Variants in TRPS1 observed in about 807,000 individuals in gnomAD.
TRPS1 encodes transcriptional repressor GATA binding 1.
In TRPS1, 6 loss-of-function variants were observed where a neutral mutation model predicts 101.2. The observed-to-expected ratio is 0.06, with a 90% CI of 0.03 to 0.12. The LOEUF (loss-of-function observed/expected upper bound fraction) is 0.12, where lower values mean the gene tolerates loss of function less well. Ranked by LOEUF, TRPS1 falls within the 10% of genes least tolerant of loss-of-function variation. TRPS1 has a pLI of 1.00. For synonymous variants in TRPS1, 578 were observed against 589.8 expected, an observed-to-expected ratio of 0.98 and a Z score of 0.29; for missense variants, 1,363 against 1,567.0, an observed-to-expected ratio of 0.87 and a Z score of 2.20.
chr8:115,595,261 T>C (rs2130466335), intron 4 of TRPS1, among the ~76,000 whole-genome samples: 1 of 152,054 alleles, frequency 6.6e-6, no homozygotes, highest in Middle Eastern at 3.4e-3. Flanking sequence ...GCTATAAATG[T>C]CTACAATGAG....
chr8:115,430,736 C>T (rs1016368431), intron 5 of TRPS1, among the ~76,000 whole-genome samples: 1 of 152,004 alleles, frequency 6.6e-6, no homozygotes, highest in African/African-American at 2.4e-5. Flanking sequence ...TATATACATA[C>T]ATACACTCAC....
At position 115,604,149 on chromosome 8, in the gene TRPS1, T is replaced by C. The variant is rs377116781; in HGVS notation, c.1820A>G (p.His607Arg). Residue 607 changes from histidine (H) to arginine (R), a missense_variant, in exon 4 of 7, where the codon CAC becomes CGC. His to Arg is a conservative substitution (Grantham distance 29). Around this residue, in one of 5 missense-constraint regions of TRPS1, gnomAD observed 1,020 missense variants for 1,073.0 expected, o/e 0.95. Coordinates refer to ENST00000395715, the MANE Select transcript of TRPS1 (RefSeq NM_014112.5). This position sits in a 1 kb window ranked among gnomAD's most constrained non-coding sequence, Gnocchi z 4.1. The part of the protein sequence containing the change: ...PFACRKSNCS[H>R]CALLLLHLSP... ...CAAGTGCAGAAGCAAGAGTGCACAGTGGGAACAATTACTTTTTCTACAAGC... is the reference window on the plus strand; with the variant it reads ...CAAGTGCAGAAGCAAGAGTGCACAGCGGGAACAATTACTTTTTCTACAAGC... The C allele has an allele frequency of 2.5e-6, 4 of 1,614,096 alleles. No individual in the cohort carries two copies. The highest frequency in any genetic ancestry group is 3.4e-6 in the Non-Finnish European group (4 of 1,180,000).
chr8:115,470,654 T>C (rs925714487), intron 5 of TRPS1, among the ~76,000 whole-genome samples: 1 of 152,142 alleles, frequency 6.6e-6, no homozygotes, highest in Non-Finnish European at 1.5e-5. Context: ...AATCTTTCTA[T>C]AAAATATACC....
intron 5 of TRPS1, among the ~76,000 whole-genome samples, chr8:115,468,513 C>G (rs147523001): frequency 2.7e-3 from 404 of 152,268 alleles, no homozygotes; most frequent in African/African-American, 9.4e-3. Context: ...CACATATTAA[C>G]TCTGTGGTTA....
chr8:115,517,359 T>C (rs995402162), intron 5 of TRPS1, among the ~76,000 whole-genome samples: 3 of 151,624 alleles, frequency 2.0e-5, no homozygotes, highest in Admixed American at 6.6e-5. Flanking sequence ...CTTAAGACTA[T>C]ATGAAGAAAG....
At chr8:115,476,768 C>T (rs1438123648) in intron 5 of TRPS1, among the ~76,000 whole-genome samples, 2 of 152,108 alleles carry the variant, frequency 1.3e-5, no homozygotes, top group Non-Finnish European at 2.9e-5. Flanking sequence ...AAAGGACCAA[C>T]ATGATCAAGC....
intron 5 of TRPS1, among the ~76,000 whole-genome samples, chr8:115,584,016 T>C (rs1032232132): frequency 6.6e-6 from 1 of 151,988 alleles, no homozygotes; most frequent in Non-Finnish European, 1.5e-5. Flanking sequence ...CAAACTTTCA[T>C]TGCTAAAACC....
intron 5 of TRPS1, among the ~76,000 whole-genome samples, chr8:115,425,625 T>C (rs1813169050): frequency 6.6e-6 from 1 of 152,200 alleles, no homozygotes. Context: ...ATTAGCTCCA[T>C]CTCTTCTGAG....
intron 5 of TRPS1, among the ~76,000 whole-genome samples, chr8:115,575,395 CTA>C (rs1236900892): frequency 3.3e-5 from 5 of 151,994 alleles, no homozygotes; most frequent in Admixed American, 3.3e-4. Context: ...AGGTGCATGT[CTA>C]TGTGTGTGAG....
chr8:115,474,674 C>G (rs964097362), intron 5 of TRPS1, among the ~76,000 whole-genome samples: 1 of 149,908 alleles, frequency 6.7e-6, no homozygotes, highest in African/African-American at 2.5e-5. Context: ...TTGAATTACA[C>G]TTATTAAAAT....
chr8:115,496,559 T>C (rs1166795761), intron 5 of TRPS1, among the ~76,000 whole-genome samples: 1 of 152,184 alleles, frequency 6.6e-6, no homozygotes, highest in East Asian at 1.9e-4. Flanking sequence ...AAGTACTTTG[T>C]TTTTTCATTC....
chr8:115,527,171 T>TGA (rs1203734670), intron 5 of TRPS1, among the ~76,000 whole-genome samples: 4 of 152,138 alleles, frequency 2.6e-5, no homozygotes, highest in Non-Finnish European at 5.9e-5. Flanking sequence ...AAACAAAGAC[T>TGA]TCAGCCCTCA....
At chr8:115,437,710 G>A (rs1463122073) in intron 5 of TRPS1, among the ~76,000 whole-genome samples, 1 of 152,112 alleles carries the variant, frequency 6.6e-6, no homozygotes, top group Non-Finnish European at 1.5e-5. Context: ...TGGGGGGGCA[G>A]GGGAAAGGTA....
At chr8:115,542,980 A>G (rs937626091) in intron 5 of TRPS1, among the ~76,000 whole-genome samples, 10 of 152,146 alleles carry the variant, frequency 6.6e-5, no homozygotes, top group Non-Finnish European at 1.3e-4. Context: ...TCTCTTTTAT[A>G]CTTGCAAAAA....
intron 5 of TRPS1, among the ~76,000 whole-genome samples, chr8:115,422,877 T>A (rs532133360): frequency 6.6e-6 from 1 of 152,316 alleles, no homozygotes; most frequent in Non-Finnish European, 1.5e-5. Flanking sequence ...GGAAGAATTA[T>A]GGGTCATATG....
intron 5 of TRPS1, among the ~76,000 whole-genome samples, chr8:115,421,225 T>C (rs1416044666): frequency 3.9e-5 from 6 of 152,118 alleles, no homozygotes; most frequent in African/African-American, 1.4e-4. Context: ...TCTCAAGTGA[T>C]CTGCCCGCCT....
chr8:115,412,962 G>A lies in TRPS1; in HGVS notation c.*1061C>T, dbSNP rs1396244190. Reference sequence around the variant, plus strand: ...ATACCAACTGTCAGTCTGTGGTAACGTAACCTTAGACGCTGCCTGACCACA... The same window carrying A: ...ATACCAACTGTCAGTCTGTGGTAACATAACCTTAGACGCTGCCTGACCACA... On this transcript the variant is annotated 3_prime_UTR_variant, in exon 7 of 7. Transcript: ENST00000395715. 9 of 152,484 alleles carry A rather than the reference G, an allele frequency of 5.9e-5. No homozygotes were observed. The South Asian group carries it at 6.2e-4, about 11-fold the overall frequency. The allele number at this position is 152,484 out of a possible 1,614,324, so 9.4% of individuals were successfully genotyped here. A position where few individuals can be genotyped will look rare whatever the true frequency, so the allele number is the denominator to read the frequency against.
At chr8:115,487,571 G>C (rs958203900) in intron 5 of TRPS1, among the ~76,000 whole-genome samples, 2 of 152,146 alleles carry the variant, frequency 1.3e-5, no homozygotes, top group African/African-American at 4.8e-5. Flanking sequence ...ATTCGTGGGA[G>C]GAGGTTAAAA....
chr8:115,620,291 G>C (rs1317042293), intron 2 of TRPS1, among the ~76,000 whole-genome samples: 1 of 151,874 alleles, frequency 6.6e-6, no homozygotes, highest in Admixed American at 6.6e-5. Flanking sequence ...TTATTTTAAG[G>C]TGGTTTTAGG....
Sources: allele counts gnomAD v4.1 joint callset (sites outside exome capture counted in the v4.1 genomes callset), GRCh38; gene constraint gnomAD v4.1.1; regional missense constraint gnomAD v4.1.1; non-coding constraint Gnocchi (gnomAD v3.1); transcripts MANE v1.5; gene names NCBI Gene and HGNC (gene_info 2026-07-23, HGNC 2026-07-21).